Variants in NAPEPLD observed in about 807,000 individuals in gnomAD.
NAPEPLD encodes N-acyl-phosphatidylethanolamine-hydrolyzing phospholipase D.
In NAPEPLD, 23 loss-of-function variants were observed where a neutral mutation model predicts 38.1. The observed-to-expected ratio is 0.60, with a 90% CI of 0.43 to 0.86. The LOEUF is 0.86. Among genes scored for constraint, NAPEPLD ranks in the 40% least tolerant of loss-of-function variants. NAPEPLD has a pLI of 0.00. For synonymous variants in NAPEPLD, 147 were observed against 162.0 expected (o/e 0.91, Z 0.71); for missense variants, 411 against 476.8 (o/e 0.86, Z 1.28).
intron 2 of NAPEPLD, among the ~76,000 whole-genome samples, chr7:103,126,363 G>A (rs562987314): frequency 8.7e-4 from 132 of 152,190 alleles, no homozygotes; most frequent in Non-Finnish European, 1.6e-3. Context: ...AGATAAAAAC[G>A]TTACCAGTAA....
chr7:103,145,473 A>T (rs1812344239), intron 1 of NAPEPLD, among the ~76,000 whole-genome samples: 1 of 152,260 alleles, frequency 6.6e-6, no homozygotes. Flanking sequence ...CAAGAATTGT[A>T]AAGTATTTCA....
At chr7:103,111,521 A>G (rs1479616750) in intron 4 of NAPEPLD, among the ~76,000 whole-genome samples, 2 of 152,240 alleles carry the variant, frequency 1.3e-5, no homozygotes, top group Non-Finnish European at 2.9e-5. Flanking sequence ...AGGATTCCCT[A>G]TTTAATAAAT....
upstream of NAPEPLD, among the ~76,000 whole-genome samples, chr7:103,149,913 C>CT (rs1208696629): frequency 6.6e-6 from 1 of 152,174 alleles, no homozygotes; most frequent in Non-Finnish European, 1.5e-5. Flanking sequence ...AAACTAAACT[C>CT]TAATTTGAAA....
intron 2 of NAPEPLD, among the ~76,000 whole-genome samples, chr7:103,121,168 G>C (rs1213655569): frequency 6.6e-6 from 1 of 152,106 alleles, no homozygotes; most frequent in Non-Finnish European, 1.5e-5. Flanking sequence ...GTGAGAAGCT[G>C]ATCACTGAGA....
intron 3 of NAPEPLD, 63 bp from the exon 4 acceptor site, chr7:103,115,237 G>A: frequency 7.3e-6 from 9 of 1,228,802 alleles, no homozygotes; most frequent in Non-Finnish European, 3.5e-6. Context: ...TCTAAAATCT[G>A]TTTCACTTAA....
At chr7:103,110,645 A>G (rs1043634002) in intron 4 of NAPEPLD, among the ~76,000 whole-genome samples, 40 of 152,220 alleles carry the variant, frequency 2.6e-4, no homozygotes, top group African/African-American at 8.9e-4. Flanking sequence ...AAAAACTGGA[A>G]GCATTCCCTT....
chr7:103,136,153 G>A (rs140684060), intron 1 of NAPEPLD, among the ~76,000 whole-genome samples: 2,605 of 151,812 alleles, frequency 0.017, 83 homozygotes, highest in African/African-American at 0.06. Context: ...TGTAATCCCA[G>A]CTACTCGGGA....
At chr7:103,144,065 G>A (rs1489432461) in intron 1 of NAPEPLD, among the ~76,000 whole-genome samples, 1 of 152,178 alleles carries the variant, frequency 6.6e-6, no homozygotes, top group African/African-American at 2.4e-5. Context: ...TGTAAAAGAG[G>A]CTCACAGAGT....
chr7:103,133,180 A>G (rs1809332117), intron 1 of NAPEPLD, among the ~76,000 whole-genome samples: 1 of 152,170 alleles, frequency 6.6e-6, no homozygotes, highest in Non-Finnish European at 1.5e-5. Flanking sequence ...TCTGCTCCAT[A>G]AACACGGCCT....
chr7:103,132,876 A>G (rs1056321172), intron 1 of NAPEPLD, among the ~76,000 whole-genome samples: 3 of 152,158 alleles, frequency 2.0e-5, no homozygotes, highest in South Asian at 4.1e-4. Flanking sequence ...AGCTTTTTCA[A>G]AGTTGTCTAT....
rs1046638570 is a variant in NAPEPLD, at chr7:103,100,568, C to T, written c.*2861G>A. On this transcript the variant is annotated 3_prime_UTR_variant, in exon 5 of 5. Transcript: ENST00000465647. ...CTAATTGATGACCCACCCTATTGGGCAGTGAGGCATAGCAAAGTATTCCTC... is the reference window on the plus strand; with the variant it reads ...CTAATTGATGACCCACCCTATTGGGTAGTGAGGCATAGCAAAGTATTCCTC... 6.6e-6 allele frequency: 1 copy of T among 152,200 alleles called. No homozygotes were observed. The highest frequency in any genetic ancestry group is 2.4e-5 in the African/African-American group (1 of 41,436). The allele number at this position is 152,200 out of a possible 1,614,324, so 9.4% of individuals were successfully genotyped here. A position where few individuals can be genotyped will look rare whatever the true frequency, so the allele number is the denominator to read the frequency against.
At chr7:103,139,507 G>A (rs1290807140) in intron 1 of NAPEPLD, among the ~76,000 whole-genome samples, 3 of 152,242 alleles carry the variant, frequency 2.0e-5, no homozygotes, top group African/African-American at 7.2e-5. Flanking sequence ...GGTCCACAGT[G>A]ACAGCAAGAG....
chr7:103,115,808 C>T (rs1418592788), intron 3 of NAPEPLD, among the ~76,000 whole-genome samples: 1 of 152,104 alleles, frequency 6.6e-6, no homozygotes, highest in East Asian at 1.9e-4. Flanking sequence ...CTCACTTATA[C>T]CCACTTTTAA....
chr7:103,142,041 G>C (rs1811513384), intron 1 of NAPEPLD: 3 of 597,210 alleles, frequency 5.0e-6, no homozygotes, highest in African/African-American at 3.7e-5. Context: ...AGTTTCTCTA[G>C]ATAATTTTTA....
At chr7:103,116,317 T>A (rs188375121) in intron 3 of NAPEPLD, among the ~76,000 whole-genome samples, 1 of 152,266 alleles carries the variant, frequency 6.6e-6, no homozygotes, top group Non-Finnish European at 1.5e-5. Context: ...TGCCTCCACA[T>A]CCCAAAGTGC....
chr7:103,106,820 G>A (rs1054791063), intron 4 of NAPEPLD, among the ~76,000 whole-genome samples: 5 of 152,088 alleles, frequency 3.3e-5, no homozygotes, highest in African/African-American at 9.7e-5. Context: ...TGCTGTGGGC[G>A]CAGTTTCAGC....
At chr7:103,136,658 G>T (rs1810147526) in intron 1 of NAPEPLD, among the ~76,000 whole-genome samples, 1 of 150,808 alleles carries the variant, frequency 6.6e-6, no homozygotes, top group Non-Finnish European at 1.5e-5. Flanking sequence ...TGATCCAACT[G>T]AGTTGTTTTT....
At chr7:103,128,190 C>A (rs1808217556) in intron 2 of NAPEPLD, 2 of 390,142 alleles carry the variant, frequency 5.1e-6, no homozygotes, top group Non-Finnish European at 4.5e-6. Flanking sequence ...TGACTAGGCC[C>A]AGCTGAAATA....
chr7:103,116,967 C>T (rs1164601258), intron 3 of NAPEPLD, among the ~76,000 whole-genome samples: 1 of 152,168 alleles, frequency 6.6e-6, no homozygotes, highest in African/African-American at 2.4e-5. Context: ...TAAACAAAAC[C>T]AACACTTTCA....
Sources: gnomAD v4.1 joint callset for allele counts (sites outside exome capture counted in the v4.1 genomes callset) on GRCh38, gnomAD v4.1.1 for gene constraint, MANE v1.5 for transcripts, NCBI Gene and HGNC (gene_info 2026-07-23, HGNC 2026-07-21) for gene names.